Variants in CNTRL observed in about 807,000 individuals in gnomAD.
CNTRL encodes 110 kDa centrosomal protein.
Under a neutral mutation model 303.7 loss-of-function variants are expected in CNTRL, and 233 were observed. The observed-to-expected ratio is 0.77, with a 90% confidence interval of 0.69 to 0.86. The LOEUF is 0.86. Among genes scored for constraint, CNTRL ranks in the 40% least tolerant of loss-of-function variants. CNTRL has a pLI of 0.00. For missense variants in CNTRL, 2,524 were observed against 2,650.6 expected, an observed-to-expected ratio of 0.95 and a Z score of 1.05; for synonymous variants, 900 against 922.2, an observed-to-expected ratio of 0.98 and a Z score of 0.44.
At chr9:121,158,638 G>T in intron 30 of CNTRL, 1 of 499,902 alleles carries the variant, frequency 2.0e-6, no homozygotes, top group South Asian at 3.1e-5. Context: ...TCATATTGTT[G>T]TTCTTACTGT....
intron 43 of CNTRL, among the ~76,000 whole-genome samples, chr9:121,175,923 T>C (rs1329853473): frequency 6.6e-6 from 1 of 152,160 alleles, no homozygotes; most frequent in African/African-American, 2.4e-5. Flanking sequence ...ATTTACAGAG[T>C]TGGAATTCAG....
rs1229431544 is a variant in CNTRL, at chr9:121,162,043, A to T, written c.5206-11A>T. On this transcript the variant is annotated splice_polypyrimidine_tract_variant and intron_variant, in intron 33 of 43. Transcript: ENST00000373855. The stretch of plus-strand genomic sequence containing the variant: ...ATTTAAGATGTTTGAGTCCTCTTTT[A>T]TCTGATTTAGGAGAAACTGGAGTTA... The T allele has an allele frequency of 1.2e-6, 2 of 1,614,082 alleles. No individual in the cohort carries two copies. Among genetic ancestry groups the T allele is most frequent in the Non-Finnish European group, 1.7e-6 (2 of 1,179,948 alleles).
intron 11 of CNTRL, among the ~76,000 whole-genome samples, chr9:121,118,142 C>T (rs1350847409): frequency 1.3e-5 from 2 of 151,978 alleles, no homozygotes; most frequent in African/African-American, 4.8e-5. Flanking sequence ...TATTAGTTTT[C>T]ATAAACTTTT....
chr9:121,121,900 A>G, intron 12 of CNTRL: 1 of 985,436 alleles, frequency 1.0e-6, no homozygotes, highest in Non-Finnish European at 1.2e-6. Context: ...TTCCGCCCAC[A>G]GTTTCTCTGT....
At chr9:121,158,173 ATGTT>A in intron 30 of CNTRL, 64 bp downstream of exon 30, 1 of 1,555,092 alleles carries the variant, frequency 6.4e-7, no homozygotes, top group Non-Finnish European at 8.7e-7. Context: ...AAAGTAATAC[ATGTT>A]TAATTGTAGA....
At chr9:121,093,744 A>G (rs1470697724) in intron 4 of CNTRL, among the ~76,000 whole-genome samples, 3 of 152,230 alleles carry the variant, frequency 2.0e-5, no homozygotes, top group South Asian at 2.1e-4. Context: ...ACCTGGTGCA[A>G]TGCCTCATAT....
chr9:121,150,901 T>C (rs2052200009), intron 25 of CNTRL, among the ~76,000 whole-genome samples: 1 of 152,260 alleles, frequency 6.6e-6, no homozygotes, highest in Admixed American at 6.5e-5. Flanking sequence ...TTGACAAGTG[T>C]TATATTAATG....
chr9:121,158,025 T>TGAG lies in CNTRL; in HGVS notation c.4683_4685dup (p.Glu1561dup). 1 of 1,614,080 alleles carries TGAG rather than the reference T, an allele frequency of 6.2e-7. No homozygotes were observed. The highest frequency in any genetic ancestry group is 8.5e-7 in the Non-Finnish European group (1 of 1,180,002). ...AAGACATAGAGATGGCAGAACGCAA[T>TGAG]GAGGATCACCACCTGCAGGTCCTTA... is the stretch of plus-strand genomic sequence containing the variant. On this transcript the variant is annotated inframe_insertion, in exon 30 of 44. Coordinates refer to ENST00000373855, the MANE Select transcript of CNTRL (RefSeq NM_007018.6).
At chr9:121,126,787 T>G (rs1487811805) in intron 14 of CNTRL, among the ~76,000 whole-genome samples, 1 of 151,776 alleles carries the variant, frequency 6.6e-6, no homozygotes, top group Non-Finnish European at 1.5e-5. Flanking sequence ...TTTGGCCACT[T>G]TCTTTCTTCC....
chr9:121,160,598 A>C, intron 32 of CNTRL, among the ~76,000 whole-genome samples: 1 of 152,218 alleles, frequency 6.6e-6, no homozygotes, highest in East Asian at 1.9e-4. Flanking sequence ...CAAGGCTCTT[A>C]AAATTCACAC....
Position 121,154,865 on chromosome 9 carries a change from C to T in CNTRL, c.4317C>T (p.Asp1439=). The change falls in exon 27 of 44, where the codon GAC becomes GAT. Residue 1439 remains aspartate (D), a synonymous_variant. Transcript: ENST00000373855. The stretch of plus-strand genomic sequence containing the variant: ...GTCGCTCAGAGCTCAGGGAAGCTGA[C>T]CGACTCCTGGCAGAGGCTGAGAGTG... ...LKRRSELREA[D]RLLAEAESEL... The T allele has an allele frequency of 6.2e-7, 1 of 1,614,146 alleles. No individual in the cohort carries two copies. The highest frequency in any genetic ancestry group is 1.1e-5 in the South Asian group (1 of 91,084).
intron 16 of CNTRL, 26 bp downstream of exon 16, chr9:121,138,705 A>G (rs1327026058): frequency 1.2e-6 from 2 of 1,607,668 alleles, no homozygotes; most frequent in Non-Finnish European, 1.7e-6. Context: ...TTTAGAATAC[A>G]TTCTTACACA....
intron 16 of CNTRL, 72 bp downstream of exon 16, chr9:121,138,751 C>A: frequency 6.7e-7 from 1 of 1,493,028 alleles, no homozygotes; most frequent in Non-Finnish European, 9.2e-7. Context: ...TAGTCAGGCA[C>A]TTAGCAACCT....
intron 7 of CNTRL, among the ~76,000 whole-genome samples, chr9:121,099,930 T>G (rs1429666190): frequency 6.6e-6 from 1 of 152,230 alleles, no homozygotes; most frequent in African/African-American, 2.4e-5. Context: ...AATCTACGAT[T>G]GAATGGTGTA....
At chr9:121,104,160 T>A (rs1164265844) in intron 7 of CNTRL, among the ~76,000 whole-genome samples, 2 of 152,140 alleles carry the variant, frequency 1.3e-5, no homozygotes, top group African/African-American at 2.4e-5. Context: ...ATTAAGAAAA[T>A]GTGGCACATA....
chr9:121,135,921 TA>T lies in CNTRL; in HGVS notation c.2143del (p.Arg715GlyfsTer15). 6.2e-7 allele frequency: 1 copy of T among 1,613,612 alleles called. No homozygotes were observed. Among genetic ancestry groups the T allele is most frequent in the South Asian group, 1.1e-5 (1 of 91,056 alleles). ...YEAELEARLN[L>X]RDAEANQLKE... ...GCTGAGCTAGAGGCTCGGCTAAACCTAAGGGATGCTGAAGCCAACCAGCTCA... is the reference window on the plus strand; with the variant it reads ...GCTGAGCTAGAGGCTCGGCTAAACCTAGGGATGCTGAAGCCAACCAGCTCA... On this transcript the variant is annotated frameshift_variant, in exon 15 of 44. Coordinates refer to ENST00000373855, the MANE Select transcript of CNTRL (RefSeq NM_007018.6). LOFTEE classifies it high-confidence loss of function.
rs372035377 is a variant in CNTRL at position 121,141,478 on chromosome 9, G to A, written c.2581G>A (p.Ala861Thr). The A allele has an allele frequency of 5.0e-5, 80 of 1,613,944 alleles. No homozygotes were observed. Among genetic ancestry groups the A allele is most frequent in the Non-Finnish European group, 6.4e-5 (76 of 1,179,990 alleles). Residue 861 changes from alanine (A) to threonine (T), a missense_variant, in exon 18 of 44, where the codon GCA becomes ACA. Physicochemically the swap from Ala to Thr is moderately conservative, Grantham distance 58 (BLOSUM62 0). Coordinates refer to ENST00000373855, the MANE Select transcript of CNTRL (RefSeq NM_007018.6). ...ACGCTCCAAGTGGGAAAGAGATGAA[G>A]CACAAGTTAGAGAGAGAAAACTCCA... ...LARSKWERDE[A>T]QVRERKLQEE...
chr9:121,092,486 A>AAT (rs1485097177), intron 4 of CNTRL, among the ~76,000 whole-genome samples: 1 of 94,784 alleles, frequency 1.1e-5, no homozygotes, highest in African/African-American at 4.6e-5. Flanking sequence ...CTATATATAT[A>AAT]ATATATATCT....
chr9:121,083,484 T>TC (rs1474455267), intron 2 of CNTRL, among the ~76,000 whole-genome samples: 12 of 152,228 alleles, frequency 7.9e-5, no homozygotes, highest in African/African-American at 2.9e-4. Flanking sequence ...CATATCTTGT[T>TC]CCACTGGAAG....
Sources: allele counts gnomAD v4.1 joint callset (sites outside exome capture counted in the v4.1 genomes callset), GRCh38; gene constraint gnomAD v4.1.1; transcripts MANE v1.5; gene names NCBI Gene and HGNC (gene_info 2026-07-23, HGNC 2026-07-21).